Variants in ANKMY1 observed in about 807,000 individuals in gnomAD.
ANKMY1 encodes ankyrin repeat and MYND domain-containing protein 1.
A neutral mutation model predicts 102.0 loss-of-function variants in ANKMY1; 98 were observed. That is an observed-to-expected ratio of 0.96 (90% CI 0.82 to 1.14). ANKMY1 has a LOEUF of 1.14. Among genes scored for constraint, ANKMY1 ranks in the 50% most tolerant of loss-of-function variants. ANKMY1 has a pLI of 0.00. For missense variants in ANKMY1, 1,330 were observed against 1,347.6 expected (o/e 0.99, Z 0.20); for synonymous variants, 582 against 559.9 (o/e 1.04, Z -0.56).
chr2:240,549,834 T>C (rs1204043420), intron 4 of ANKMY1, among the ~76,000 whole-genome samples: 2 of 152,028 alleles, frequency 1.3e-5, no homozygotes, highest in Non-Finnish European at 2.9e-5. Flanking sequence ...TCACACCAGT[T>C]AGAATGGCAA....
chr2:240,533,756 C>T (rs1026747729), intron 4 of ANKMY1, among the ~76,000 whole-genome samples: 1 of 145,696 alleles, frequency 6.9e-6, no homozygotes, highest in East Asian at 2.0e-4. Flanking sequence ...CACACACACA[C>T]TTTTTTTAGG....
Position 240,526,337 on chromosome 2 carries a change from T to G in ANKMY1, c.1062A>C (p.Leu354=). 6.2e-7 allele frequency: 1 copy of G among 1,614,234 alleles called. No individual in the cohort carries two copies. Among genetic ancestry groups the G allele is most frequent in the Non-Finnish European group, 8.5e-7 (1 of 1,180,026 alleles). Residue 354 remains leucine, a synonymous_variant, in exon 6 of 18, where the codon CTA becomes CTC. Coordinates refer to ENST00000401804, the MANE Select transcript of ANKMY1 (RefSeq NM_001282771.3). ...ATTCGTGGTTCCCTTCCTCAGCCTT[T>G]AGGATCATCTCCATGGAAAGTTGCT... ...PKEQLSMEMI[L]KAEEGNHEWI... is the part of the protein sequence containing the mutation.
At position 240,529,680 on chromosome 2, in the gene ANKMY1, C is replaced by T. The variant is rs57354161; in HGVS notation, c.481-171G>A. ...AGGCTGTGCCGCCCAGGGACCGAGGCGGACCAGCTCTCCCGAGGAACAGGA... is the reference window on the plus strand; with the variant it reads ...AGGCTGTGCCGCCCAGGGACCGAGGTGGACCAGCTCTCCCGAGGAACAGGA... On this transcript the variant is annotated intron_variant, in intron 4 of 17. Transcript: ENST00000401804. This position sits in a 1 kb window ranked among gnomAD's most constrained non-coding sequence, Gnocchi z 4.2. Among the ~76,000 whole-genome samples, 22,427 of 152,158 alleles carry T rather than the reference C, an allele frequency of 0.15. 2,739 individuals carry two copies. Among genetic ancestry groups the T allele is most frequent in the East Asian group, 0.68 (3,514 of 5,156 alleles).
chr2:240,499,045 G>T lies in ANKMY1; in HGVS notation c.2806+913C>A, dbSNP rs566365730. Among the ~76,000 whole-genome samples, 24 of 152,240 alleles carry T rather than the reference G, an allele frequency of 1.6e-4. No homozygotes were observed. Among genetic ancestry groups the T allele is most frequent in the Non-Finnish European group, 2.9e-4 (20 of 68,022 alleles). ...GGTGTTCCTTTACAGCAACGCAAAC[G>T]GACTAACAGCACGTGGAAGTGTGTG... On this transcript the variant is annotated intron_variant, in intron 15 of 17. Transcript: ENST00000401804. This position sits in a 1 kb window ranked among gnomAD's most constrained non-coding sequence, Gnocchi z 4.2.
At chr2:240,544,705 G>A (rs1285407203) in intron 4 of ANKMY1, among the ~76,000 whole-genome samples, 1 of 152,152 alleles carries the variant, frequency 6.6e-6, no homozygotes. Flanking sequence ...GGAAGCGCAA[G>A]GGGTCAGGGA....
At chr2:240,498,901 C>G (rs2077663028) in intron 15 of ANKMY1, among the ~76,000 whole-genome samples, 1 of 152,178 alleles carries the variant, frequency 6.6e-6, no homozygotes, top group African/African-American at 2.4e-5. Flanking sequence ...CCCCTTCGCC[C>G]TCCACTGGGA....
At chr2:240,513,899 G>A (rs1167552399) in intron 9 of ANKMY1, among the ~76,000 whole-genome samples, 3 of 152,228 alleles carry the variant, frequency 2.0e-5, no homozygotes, top group Non-Finnish European at 2.9e-5. Flanking sequence ...TGCAGGCATC[G>A]CCTGATGTTG....
At chr2:240,554,746 T>C in intron 3 of ANKMY1, 120 bp downstream of exon 3, 1 of 1,176,706 alleles carries the variant, frequency 8.5e-7, no homozygotes, top group Non-Finnish European at 1.2e-6. Context: ...GGAAAAACTT[T>C]AGCCTAGCAC....
rs367942344 is a variant in ANKMY1, at chr2:240,525,777, C to A, written c.1243G>T (p.Gly415Cys). Residue 415 changes from glycine (G) to cysteine (C), a missense_variant, in exon 7 of 18, where the codon GGT (glycine) becomes TGT (cysteine). Transcript: ENST00000401804. ...AAACACATGCTGAGTGCCGTGAGACCCTCATCTGAGCACTTGTTCACGTCG... is the reference window on the plus strand; with the variant it reads ...AAACACATGCTGAGTGCCGTGAGACACTCATCTGAGCACTTGTTCACGTCG... ...GADVNKCSDE[G>C]LTALSMCFLL... is the part of the protein sequence containing the mutation. The A allele has an allele frequency of 5.6e-6, 9 of 1,614,102 alleles. No individual in the cohort carries two copies. Among genetic ancestry groups the A allele is most frequent in the Non-Finnish European group, 7.6e-6 (9 of 1,179,998 alleles).
At chr2:240,527,662 A>ATGAATGTTG (rs2084020498) in intron 5 of ANKMY1, 2 of 149,864 alleles carry the variant, frequency 1.3e-5, no homozygotes, top group African/African-American at 4.9e-5. Flanking sequence ...GGGTGGGTGG[A>ATGAATGTTG]CAAATGGGTA....
intron 4 of ANKMY1, among the ~76,000 whole-genome samples, chr2:240,537,858 C>T (rs755721767): frequency 2.0e-5 from 3 of 152,216 alleles, no homozygotes; most frequent in African/African-American, 7.2e-5. Flanking sequence ...CAAATGTAGC[C>T]ACTGTTCAAA....
Position 240,555,007 on chromosome 2 carries a change from C to A in ANKMY1, c.195G>T (p.Pro65=), listed in dbSNP as rs771187106. Residue 65 remains proline (P), a synonymous_variant, in exon 3 of 18, where the codon CCG becomes CCT. Transcript: ENST00000401804. ...PEKEEEEAEG[P]LRAQDLRESY... ...ACTCCCTCAGGTCCTGCGCCCTCAG[C>A]GGGCCCTCAGCTTCCTCCTCTTCCT... 1.2e-6 allele frequency: 2 copies of A among 1,614,142 alleles called. No homozygotes were observed. The highest frequency in any genetic ancestry group is 8.5e-7 in the Non-Finnish European group (1 of 1,179,996).
chr2:240,482,230 C>A lies in ANKMY1; in HGVS notation c.2838G>T (p.Lys946Asn), dbSNP rs779754517. The A allele has an allele frequency of 1.9e-6, 3 of 1,612,806 alleles. No individual in the cohort carries two copies. The highest frequency in any genetic ancestry group is 1.1e-5 in the South Asian group (1 of 90,804). ...AELIPSHRMK[K>N]KGPSLPRGLD... ...GGCCCCTGGGCAGGCTGGGGCCCTTCTTCTTCATCCTGTGGCTGGGGATCA... is the reference window on the plus strand; with the variant it reads ...GGCCCCTGGGCAGGCTGGGGCCCTTATTCTTCATCCTGTGGCTGGGGATCA... The change falls in exon 16 of 18, where the codon AAG becomes AAT. Residue 946 changes from lysine (K) to asparagine (N), a missense_variant. By Grantham distance (94) the Lys-to-Asn change is moderately conservative (BLOSUM62 0). Coordinates refer to ENST00000401804, the MANE Select transcript of ANKMY1 (RefSeq NM_001282771.3).
At chr2:240,531,438 C>A (rs755558856) in intron 4 of ANKMY1, among the ~76,000 whole-genome samples, 3 of 152,190 alleles carry the variant, frequency 2.0e-5, no homozygotes, top group African/African-American at 7.2e-5. Flanking sequence ...ATCAACCGTT[C>A]TGGGCAGCTT....
At chr2:240,524,582 G>A (rs901921411) in intron 7 of ANKMY1, among the ~76,000 whole-genome samples, 11 of 152,208 alleles carry the variant, frequency 7.2e-5, no homozygotes, top group Admixed American at 5.9e-4. Context: ...GCCTGCACCT[G>A]ACCAGGCCAC....
chr2:240,522,097 T>C (rs1186904464), intron 8 of ANKMY1: 2 of 152,222 alleles, frequency 1.3e-5, no homozygotes, highest in Admixed American at 1.3e-4. Context: ...GACTGGTCCA[T>C]TTTACAGACC....
At chr2:240,509,247 A>AGAT in intron 12 of ANKMY1, 101 bp downstream of exon 12, 64 of 991,550 alleles carry the variant, frequency 6.5e-5, no homozygotes, top group Non-Finnish European at 7.8e-5. Context: ...ATGGATGGAT[A>AGAT]AATGGCCAAC....
chr2:240,560,738 G>A, upstream of ANKMY1: 3 of 1,515,858 alleles, frequency 2.0e-6, no homozygotes, highest in Middle Eastern at 1.9e-4. Context: ...TACCTCCACC[G>A]TTGGTGCGCG....
At chr2:240,538,901 G>A (rs901849504) in intron 4 of ANKMY1, among the ~76,000 whole-genome samples, 3 of 151,834 alleles carry the variant, frequency 2.0e-5, no homozygotes, top group African/African-American at 7.3e-5. Flanking sequence ...TAGCTAATCT[G>A]GTGGGGACTT....
Sources: allele counts gnomAD v4.1 joint callset (sites outside exome capture counted in the v4.1 genomes callset), GRCh38; gene constraint gnomAD v4.1.1; non-coding constraint Gnocchi (gnomAD v3.1); transcripts MANE v1.5; gene names NCBI Gene and HGNC (gene_info 2026-07-23, HGNC 2026-07-21).